SMARCA2: variants seen among roughly 807,000 people sequenced by gnomAD.
SMARCA2 encodes the protein SWI/SNF-related matrix-associated actin-dependent regulator of chromatin subfamily A member 2.
SMARCA2 carries 61 observed loss-of-function variants against 199.8 expected under a neutral mutation model. The ratio of observed to expected loss-of-function variants is 0.31; its 90% CI spans 0.25 to 0.38. The LOEUF is 0.38. Among genes scored for constraint, SMARCA2 ranks in the 10% least tolerant of loss-of-function variants. SMARCA2 has a pLI of 1.00. For missense variants in SMARCA2, 1,344 were observed against 2,012.2 expected (o/e 0.67, Z 6.35); for synonymous variants, 935 against 732.0 (o/e 1.28, Z -4.48).
In SMARCA2 at chr9:2,101,582, G is replaced by T; in HGVS notation, c.3091G>T (p.Glu1031Ter). The T allele has an allele frequency of 6.5e-7, 1 of 1,538,712 alleles. No individual in the cohort carries two copies. Among genetic ancestry groups the T allele is most frequent in the Non-Finnish European group, 8.9e-7 (1 of 1,128,354 alleles). ...MFQHIEESFA[E>*]HLGYSNGVIN... The stretch of plus-strand genomic sequence containing the variant: ...CTCTCTTTTAAAGGAATCCTTTGCT[G>T]AACACCTAGGCTATTCAAATGGGGT... The change falls in exon 22 of 34, where the codon GAA becomes TAA. Residue 1031 changes from glutamate to a stop codon, truncating the protein, a stop_gained. Coordinates refer to ENST00000349721, the MANE Select transcript of SMARCA2 (RefSeq NM_003070.5). LOFTEE classifies it high-confidence loss of function.
At chr9:2,160,107 C>G (rs927898179) in intron 27 of SMARCA2, 2 of 634,422 alleles carry the variant, frequency 3.2e-6, no homozygotes, top group Admixed American at 6.2e-5. Context: ...CCAAGATATG[C>G]GGGACAATTT....
In SMARCA2 at chr9:2,148,286, A is replaced by G. The variant is rs961846655; in HGVS notation, c.3982-13400A>G. 2.6e-5 allele frequency among the ~76,000 whole-genome samples: 4 copies of G among 151,628 alleles called. No homozygotes were observed. The East Asian group carries it at 7.7e-4, about 29-fold the overall frequency. On this transcript the variant is annotated intron_variant, in intron 27 of 33. Coordinates refer to ENST00000349721, the MANE Select transcript of SMARCA2 (RefSeq NM_003070.5). Reference sequence around the variant, plus strand: ...AACATGTTTGGGAACACAGCTGATCATTGGTATTTGAGCCAAATGGCAAGA... The same window carrying G: ...AACATGTTTGGGAACACAGCTGATCGTTGGTATTTGAGCCAAATGGCAAGA...
At chr9:2,179,742 C>T (rs982360067) in intron 29 of SMARCA2, among the ~76,000 whole-genome samples, 1 of 152,166 alleles carries the variant, frequency 6.6e-6, no homozygotes, top group East Asian at 1.9e-4. Context: ...TCAATAGAAA[C>T]ATGACACCAT....
At chr9:2,082,306 GGTGTGTGTGTGTGT>G (rs3057852) in intron 15 of SMARCA2, among the ~76,000 whole-genome samples, 1,290 of 121,850 alleles carry the variant, frequency 0.011, 16 homozygotes, top group Middle Eastern at 0.034. Flanking sequence ...AAAGGGGAAA[GGTGTGTGTGTGTGT>G]GTGTGTGTGT....
chr9:2,075,760 C>T (rs1022723999), intron 12 of SMARCA2, among the ~76,000 whole-genome samples: 2 of 152,050 alleles, frequency 1.3e-5, no homozygotes, highest in South Asian at 2.1e-4. Context: ...TGGGTTCAAG[C>T]GATTCTCCTG....
chr9:2,027,396 C>G (rs1245239071), intron 1 of SMARCA2, among the ~76,000 whole-genome samples: 1 of 152,036 alleles, frequency 6.6e-6, no homozygotes, highest in Non-Finnish European at 1.5e-5. Flanking sequence ...GAGCCATGAT[C>G]TCTACTGTCC....
chr9:2,114,520 A>C (rs1343431933), intron 24 of SMARCA2, among the ~76,000 whole-genome samples: 1 of 152,192 alleles, frequency 6.6e-6, no homozygotes, highest in Non-Finnish European at 1.5e-5. Flanking sequence ...GGATACAGAA[A>C]ACAGACTTTT....
At chr9:2,159,108 T>C in intron 27 of SMARCA2, 1 of 1,130,236 alleles carries the variant, frequency 8.8e-7, no homozygotes, top group South Asian at 1.5e-5. Flanking sequence ...GCTTCTTAGC[T>C]ACTCACAGAT....
rs187178761 is a variant in SMARCA2 at position 2,138,148 on chromosome 9, C to G, written c.3981+14211C>G. On this transcript the variant is annotated intron_variant, in intron 27 of 33. Transcript: ENST00000349721. Reference sequence around the variant, plus strand: ...TATAACAGCTGTCTTCTAGCTTGAGCCTTCTAATTTCTTCAGCAAAAAACA... The same window carrying G: ...TATAACAGCTGTCTTCTAGCTTGAGGCTTCTAATTTCTTCAGCAAAAAACA... Among the ~76,000 whole-genome samples the G allele has an allele frequency of 6.9e-4, 104 of 151,304 alleles. No homozygotes were observed. In the Middle Eastern group the frequency reaches 0.014, roughly 20 times the overall value.
intron 23 of SMARCA2, among the ~76,000 whole-genome samples, chr9:2,109,293 A>C (rs1822887121): frequency 6.6e-6 from 1 of 152,132 alleles, no homozygotes; most frequent in South Asian, 2.1e-4. Context: ...TTCAGCATCT[A>C]AGCTTTTCTG....
chr9:2,150,569 G>A (rs1164630827), intron 27 of SMARCA2, among the ~76,000 whole-genome samples: 1 of 151,604 alleles, frequency 6.6e-6, no homozygotes. Flanking sequence ...TACTCCGAGG[G>A]GTGTGTTATA....
At chr9:2,182,076 A>T in intron 30 of SMARCA2, 65 bp from the exon 31 acceptor site, 1 of 1,033,368 alleles carries the variant, frequency 9.7e-7, no homozygotes, top group Non-Finnish European at 1.5e-6. Context: ...TTTGTTAACT[A>T]AGTAATGATC....
intron 27 of SMARCA2, among the ~76,000 whole-genome samples, chr9:2,135,840 G>A (rs1824170470): frequency 6.6e-6 from 1 of 151,834 alleles, no homozygotes; most frequent in African/African-American, 2.4e-5. Flanking sequence ...ACAGCACCCA[G>A]CAACTTTTAC....
intron 21 of SMARCA2, among the ~76,000 whole-genome samples, chr9:2,101,277 A>G (rs147447331): frequency 1.2e-3 from 175 of 152,156 alleles, no homozygotes; most frequent in Admixed American, 2.8e-3. Context: ...AGAAATAACT[A>G]TTGGCTCCGC....
chr9:2,074,822 G>A (rs1310349258), intron 12 of SMARCA2, among the ~76,000 whole-genome samples: 1 of 152,208 alleles, frequency 6.6e-6, no homozygotes, highest in East Asian at 1.9e-4. Flanking sequence ...CTGAGGTCGT[G>A]CCACTGCACT....
At chr9:2,097,359 A>C (rs750992297) in intron 20 of SMARCA2, 26 bp from the exon 21 acceptor site, 1 of 1,422,776 alleles carries the variant, frequency 7.0e-7, no homozygotes, top group Admixed American at 1.7e-5. Context: ...AATTAATTCT[A>C]TTTTTCCCTT....
intron 8 of SMARCA2, among the ~76,000 whole-genome samples, chr9:2,060,118 CAAAAAAAAAAAAAAAAAAAA>C (rs372329238): frequency 0.014 from 863 of 62,484 alleles, 24 homozygotes; most frequent in African/African-American, 0.035. Context: ...GATCTGTGGC[CAAAAAAAAAAAAAAAAAAAA>C]AAAAAAAAAA....
chr9:2,161,740 C>A lies in SMARCA2; in HGVS notation c.4036C>A (p.Arg1346=), dbSNP rs1825687756. 2 of 1,613,734 alleles carry A rather than the reference C, an allele frequency of 1.2e-6. No homozygotes were observed. The highest frequency in any genetic ancestry group is 2.2e-5 in the East Asian group (1 of 44,864). ...GGAAGAGGAAGTACGGCTTAAGAAGCGAAAAAGACGAAGAAATGTGGATAA... is the reference window on the plus strand; with the variant it reads ...GGAAGAGGAAGTACGGCTTAAGAAGAGAAAAAGACGAAGAAATGTGGATAA... The part of the protein sequence containing the change: ...EMEEEVRLKK[R]KRRRNVDKDP... Residue 1346 remains arginine, a synonymous_variant, in exon 28 of 34, where the codon CGA becomes AGA. Transcript: ENST00000349721. This position sits in a 1 kb window ranked among gnomAD's most constrained non-coding sequence, Gnocchi z 4.7.
chr9:2,127,203 C>T (rs1311716978), intron 27 of SMARCA2, among the ~76,000 whole-genome samples: 1 of 152,146 alleles, frequency 6.6e-6, no homozygotes, highest in East Asian at 1.9e-4. Context: ...CTAGTATTCT[C>T]GGTAGTTGCC....
Sources: gnomAD v4.1 joint callset for allele counts (sites outside exome capture counted in the v4.1 genomes callset) on GRCh38, gnomAD v4.1.1 for gene constraint, Gnocchi (gnomAD v3.1) non-coding constraint, MANE v1.5 for transcripts, NCBI Gene and HGNC (gene_info 2026-07-23, HGNC 2026-07-21) for gene names.